The following TMEM252 variants were observed in gnomAD, a reference collection of about 807,000 sequenced individuals.
TMEM252 encodes transmembrane protein 252, also known as transmembrane protein C9orf71.
Under a neutral mutation model 6.4 loss-of-function variants are expected in TMEM252, and 4 were observed. The observed-to-expected ratio is 0.62, with a 90% confidence interval of 0.31 to 1.43. TMEM252 has a LOEUF of 1.43. Among genes scored for constraint, TMEM252 ranks in the 40% most tolerant of loss-of-function variants. The pLI is 0.07. For missense variants in TMEM252, 207 were observed against 209.4 expected, an observed-to-expected ratio of 0.99 and a Z score of 0.07; for synonymous variants, 85 against 82.5, an observed-to-expected ratio of 1.03 and a Z score of -0.17.
At position 68,540,689 on chromosome 9, in the gene TMEM252, C is replaced by T. The variant is rs147451213; in HGVS notation, c.126G>A (p.Ala42=). The T allele has an allele frequency of 1.9e-5, 30 of 1,613,960 alleles. No individual in the cohort carries two copies. The highest frequency in any genetic ancestry group is 7.7e-5 in the South Asian group (7 of 91,086). Reference sequence around the variant, plus strand: ...ACCCCAGAGGCAGAAGCAAATAGGCCGCAATCAGGCTCCCCTGACAGTCGA... The same window carrying T: ...ACCCCAGAGGCAGAAGCAAATAGGCTGCAATCAGGCTCCCCTGACAGTCGA... ...SIFDCQGSLI[A]AYLLLPLGFV... Residue 42 remains alanine (A), a synonymous_variant, in exon 1 of 2, where the codon GCG becomes GCA. Transcript: ENST00000377311.
At chr9:68,539,922 C>T (rs1825183023) in intron 1 of TMEM252, among the ~76,000 whole-genome samples, 1 of 152,200 alleles carries the variant, frequency 6.6e-6, no homozygotes. Flanking sequence ...TTATTGACAT[C>T]CTCACCAACA....
chr9:68,540,756 A>G lies in TMEM252; in HGVS notation c.59T>C (p.Met20Thr), dbSNP rs925251976. 6.2e-7 allele frequency: 1 copy of G among 1,614,028 alleles called. No individual in the cohort carries two copies. The highest frequency in any genetic ancestry group is 1.3e-5 in the African/African-American group (1 of 74,916). ...CALALLMGFL[M>T]VCLGAFFISW... ...AATGAAGAAGGCCCCCAGGCAGACCATCAGGAAACCCATCAGGAGGGCAAG... is the reference window on the plus strand; with the variant it reads ...AATGAAGAAGGCCCCCAGGCAGACCGTCAGGAAACCCATCAGGAGGGCAAG... Residue 20 changes from methionine to threonine, a missense_variant, in exon 1 of 2, where the codon ATG (methionine) becomes ACG (threonine). Met to Thr is a moderately conservative substitution (Grantham distance 81, BLOSUM62 -1). Transcript: ENST00000377311.
intron 1 of TMEM252, among the ~76,000 whole-genome samples, chr9:68,539,644 A>ATT (rs746679729): frequency 6.6e-6 from 1 of 152,236 alleles, no homozygotes; most frequent in Non-Finnish European, 1.5e-5. Flanking sequence ...TAAGGCTAAT[A>ATT]TTCCATTGCA....
Position 68,537,167 on chromosome 9 carries a change from GC to G in TMEM252, c.*91del. On this transcript the variant is annotated 3_prime_UTR_variant, in exon 2 of 2. Coordinates refer to ENST00000377311, the MANE Select transcript of TMEM252 (RefSeq NM_153237.2). ...GCTCTCTTGTGGGGTCCCTGGTGTGGCTTTTCCTCCCACAGTCCCTCGTTTG... is the reference window on the plus strand; with the variant it reads ...GCTCTCTTGTGGGGTCCCTGGTGTGGTTTTCCTCCCACAGTCCCTCGTTTG... 8.7e-7 allele frequency: 1 copy of G among 1,155,000 alleles called. No individual in the cohort carries two copies. The highest frequency in any genetic ancestry group is 1.2e-6 in the Non-Finnish European group (1 of 819,896). The allele number at this position is 1,155,000 out of a possible 1,614,324, so 71.5% of individuals were successfully genotyped here.
rs938915619 is a variant in TMEM252 at position 68,537,491 on chromosome 9, G to C, written c.281C>G (p.Pro94Arg). 6.3e-7 allele frequency: 1 copy of C among 1,599,690 alleles called. No individual in the cohort carries two copies. Among genetic ancestry groups the C allele is most frequent in the African/African-American group, 1.4e-5 (1 of 73,872 alleles). ...TTCATAAGCTGGAGGGTAAAAGTCT[G>C]GCCTAGGGGACAAAACAGCATAAAC... ...GALPVATVDR[P>R]DFYPPAYEES... is the part of the protein sequence containing the mutation. Residue 94 changes from proline (P) to arginine (R), a missense_variant and splice_region_variant, in exon 2 of 2, where the codon CCA (proline) becomes CGA (arginine). Coordinates refer to ENST00000377311, the MANE Select transcript of TMEM252 (RefSeq NM_153237.2).
chr9:68,537,155 G>A lies in TMEM252; in HGVS notation c.*104C>T, dbSNP rs1825149392. On this transcript the variant is annotated 3_prime_UTR_variant, in exon 2 of 2. Transcript: ENST00000377311. ...TCCCCTCCCCAAGCTCTCTTGTGGG[G>A]TCCCTGGTGTGGCTTTTCCTCCCAC... The A allele has an allele frequency of 1.0e-6, 1 of 1,001,818 alleles. No individual in the cohort carries two copies. The highest frequency in any genetic ancestry group is 1.7e-5 in the African/African-American group (1 of 60,258). 62.1% of individuals were successfully genotyped at this position (1,001,818 alleles called of 1,614,324 possible). A position where few individuals can be genotyped will look rare whatever the true frequency, so the allele number is the denominator to read the frequency against.
Position 68,537,500 on chromosome 9 carries a change from G to A in TMEM252, c.279-7C>T, listed in dbSNP as rs759066156. ...TGGAGGGTAAAAGTCTGGCCTAGGG[G>A]ACAAAACAGCATAAACATGCGTGCG... is the stretch of plus-strand genomic sequence containing the variant. On this transcript the variant is annotated splice_polypyrimidine_tract_variant and splice_region_variant and intron_variant, in intron 1 of 1. Transcript: ENST00000377311. The A allele has an allele frequency of 2.6e-5, 41 of 1,595,720 alleles. No homozygotes were observed. The highest frequency in any genetic ancestry group is 1.3e-4 in the Admixed American group (7 of 54,932).
At chr9:68,540,221 T>C (rs1242243172) in intron 1 of TMEM252, among the ~76,000 whole-genome samples, 1 of 152,202 alleles carries the variant, frequency 6.6e-6, no homozygotes, top group Non-Finnish European at 1.5e-5. Flanking sequence ...AACCATCACC[T>C]GCCACTAATT....
intron 1 of TMEM252, among the ~76,000 whole-genome samples, chr9:68,538,317 G>A (rs1332639036): frequency 1.3e-5 from 2 of 152,194 alleles, no homozygotes; most frequent in Non-Finnish European, 2.9e-5. Flanking sequence ...TGCCTACAGG[G>A]AGTGTTTATG....
intron 1 of TMEM252, among the ~76,000 whole-genome samples, chr9:68,539,245 G>A (rs1045878844): frequency 5.3e-5 from 8 of 152,178 alleles, no homozygotes; most frequent in African/African-American, 1.9e-4. Context: ...TCCCTAAATG[G>A]TCCTGTGGCT....
intron 1 of TMEM252, 112 bp from the exon 2 acceptor site, chr9:68,537,605 A>T (rs969579000): frequency 1.4e-5 from 11 of 807,156 alleles, no homozygotes; most frequent in Admixed American, 7.3e-5. Flanking sequence ...GTTAAGAAAC[A>T]TGGATTTTTG....
chr9:68,540,390 G>T, intron 1 of TMEM252, 147 bp downstream of exon 1: 2 of 1,192,580 alleles, frequency 1.7e-6, no homozygotes, highest in Non-Finnish European at 2.3e-6. Flanking sequence ...CAACCCCAGA[G>T]TAATTCCCTG....
chr9:68,537,648 T>C (rs1825157949), intron 1 of TMEM252, among the ~76,000 whole-genome samples, 155 bp from the exon 2 acceptor site: 1 of 152,272 alleles, frequency 6.6e-6, no homozygotes, highest in African/African-American at 2.4e-5. Flanking sequence ...CATCACCAGT[T>C]TTTTAAAAAT....
At position 68,540,574 on chromosome 9, in the gene TMEM252, G is replaced by T; in HGVS notation, c.241C>A (p.Leu81Ile). 6.2e-7 allele frequency: 1 copy of T among 1,614,230 alleles called. No homozygotes were observed. Among genetic ancestry groups the T allele is most frequent in the Non-Finnish European group, 8.5e-7 (1 of 1,180,032 alleles). ...GCCACGGGCAGGGCCCCATGAGCAA[G>T]GTGTTGTCGGAGCATGTGCCTCAAC... ...GVLRHMLRQH[L>I]AHGALPVATV... Residue 81 changes from leucine (L) to isoleucine (I), a missense_variant, in exon 1 of 2, where the codon CTT becomes ATT. Coordinates refer to ENST00000377311, the MANE Select transcript of TMEM252 (RefSeq NM_153237.2).
At position 68,536,740 on chromosome 9, in the gene TMEM252, A is replaced by G. The variant is rs1825144576; in HGVS notation, c.*519T>C. ...GGGCATATCTCCCAGGATGTGAAGT[A>G]CTGCCTCACTCTGGTAGTATGGTCA... is the stretch of plus-strand genomic sequence containing the variant. On this transcript the variant is annotated 3_prime_UTR_variant, in exon 2 of 2. Transcript: ENST00000377311. The G allele has an allele frequency of 6.5e-6, 1 of 152,770 alleles. No homozygotes were observed. Among genetic ancestry groups the G allele is most frequent in the African/African-American group, 2.4e-5 (1 of 41,470 alleles). The allele number at this position is 152,770 out of a possible 1,614,324, so 9.5% of individuals were successfully genotyped here. A position where few individuals can be genotyped will look rare whatever the true frequency, so the allele number is the denominator to read the frequency against.
At chr9:68,540,406 A>G in intron 1 of TMEM252, 131 bp downstream of exon 1, 1 of 1,311,360 alleles carries the variant, frequency 7.6e-7, no homozygotes, top group African/African-American at 1.5e-5. Flanking sequence ...CCCTGACAAT[A>G]AAGCTTTGGT....
chr9:68,537,585 A>G (rs1227156965), intron 1 of TMEM252, 92 bp from the exon 2 acceptor site: 1 of 951,860 alleles, frequency 1.1e-6, no homozygotes, highest in Non-Finnish European at 1.6e-6. Context: ...AAATTGTGCG[A>G]AGCTAAACTG....
intron 1 of TMEM252, 64 bp from the exon 2 acceptor site, chr9:68,537,557 G>A (rs1049023256): frequency 1.5e-5 from 20 of 1,315,656 alleles, no homozygotes; most frequent in Admixed American, 2.4e-5. Context: ...AGAGGCAGAC[G>A]GCTGCCTCTC....
chr9:68,540,404 A>G (rs934079064), intron 1 of TMEM252, 133 bp downstream of exon 1: 4 of 1,299,274 alleles, frequency 3.1e-6, no homozygotes, highest in Non-Finnish European at 4.2e-6. Context: ...TTCCCTGACA[A>G]TAAAGCTTTG....
Sources: allele counts gnomAD v4.1 joint callset (sites outside exome capture counted in the v4.1 genomes callset), GRCh38; gene constraint gnomAD v4.1.1; transcripts MANE v1.5; gene names NCBI Gene and HGNC (gene_info 2026-07-23, HGNC 2026-07-21).